The following SIGLECL1 variants were observed in gnomAD, a reference collection of about 807,000 sequenced individuals.
SIGLECL1 encodes the protein SIGLEC family like 1.
A neutral mutation model predicts 19.1 loss-of-function variants in SIGLECL1; 16 were observed. The observed-to-expected ratio is 0.84, with a 90% CI of 0.57 to 1.27. The LOEUF (loss-of-function observed/expected upper bound fraction) is 1.27. SIGLECL1 is among the 50% of genes most tolerant of loss of function. The probability of loss-of-function intolerance (pLI) is 0.00; values close to 1 mark genes in which losing one functional copy is unlikely to be tolerated. For synonymous variants in SIGLECL1, 89 were observed against 90.4 expected, an observed-to-expected ratio of 0.98 and a Z score of 0.09; for missense variants, 210 against 239.4, an observed-to-expected ratio of 0.88 and a Z score of 0.81.
chr19:51,263,499 T>C (rs1027049593), intron 1 of SIGLECL1, among the ~76,000 whole-genome samples: 3 of 152,072 alleles, frequency 2.0e-5, no homozygotes, highest in Non-Finnish European at 2.9e-5. Context: ...AAACCGGGCA[T>C]AGTGGCTTAT....
At chr19:51,267,131 T>A (rs1983739916) in intron 4 of SIGLECL1, among the ~76,000 whole-genome samples, 1 of 152,188 alleles carries the variant, frequency 6.6e-6, no homozygotes, top group Admixed American at 6.5e-5. Flanking sequence ...ACAATCTCTC[T>A]GCCAGTTGCA....
intron 1 of SIGLECL1, chr19:51,258,033 C>G (rs1181441579): frequency 1.3e-5 from 2 of 152,216 alleles, no homozygotes; most frequent in African/African-American, 4.8e-5. Flanking sequence ...GGCCTCTGCC[C>G]TGTATGTCTT....
chr19:51,262,609 G>GA (rs979803372), intron 1 of SIGLECL1, among the ~76,000 whole-genome samples: 103 of 152,150 alleles, frequency 6.8e-4, no homozygotes, highest in African/African-American at 2.4e-3. Context: ...CACTGTTCTA[G>GA]AAAAAAAGTC....
At chr19:51,252,763 TG>T (rs1982571086) in intron 1 of SIGLECL1, among the ~76,000 whole-genome samples, 2 of 151,990 alleles carry the variant, frequency 1.3e-5, no homozygotes, top group African/African-American at 4.8e-5. Context: ...TGTTAAAACA[TG>T]CCGAAATATG....
chr19:51,256,970 GATAC>G (rs1344630276), intron 1 of SIGLECL1, among the ~76,000 whole-genome samples: 1 of 151,798 alleles, frequency 6.6e-6, no homozygotes, highest in Non-Finnish European at 1.5e-5. Flanking sequence ...TGAATATGTA[GATAC>G]ATATTTACAT....
At chr19:51,264,119 G>A (rs1983454853) in intron 2 of SIGLECL1, 25 bp downstream of exon 2, 2 of 1,613,816 alleles carry the variant, frequency 1.2e-6, no homozygotes, top group East Asian at 4.5e-5. Context: ...AAGCAGCACT[G>A]GAGGTGTGTT....
chr19:51,250,376 G>C (rs955239537), upstream of SIGLECL1, among the ~76,000 whole-genome samples: 5 of 152,340 alleles, frequency 3.3e-5, no homozygotes, highest in African/African-American at 1.2e-4. Flanking sequence ...GAGTCACCGA[G>C]CCCAGCCTTG....
At chr19:51,265,293 G>C in intron 2 of SIGLECL1, 75 bp from the exon 3 acceptor site, 2 of 1,485,664 alleles carry the variant, frequency 1.3e-6, no homozygotes, top group East Asian at 2.3e-5. Flanking sequence ...CAAGTAAAGA[G>C]AAGGCTGCAT....
At chr19:51,258,702 T>A (rs1453191825) in intron 1 of SIGLECL1, among the ~76,000 whole-genome samples, 1 of 152,162 alleles carries the variant, frequency 6.6e-6, no homozygotes, top group East Asian at 1.9e-4. Context: ...ATTAGAGTGG[T>A]TCACCAGAGA....
In SIGLECL1 at chr19:51,251,446, A is replaced by C. The variant is rs151197615; in HGVS notation, c.-290A>C. 0.011 allele frequency: 1,629 copies of C among 153,258 alleles called. 29 individuals carry two copies. The highest frequency in any genetic ancestry group is 0.038 in the African/African-American group (1,577 of 41,574). 9.5% of individuals were successfully genotyped at this position (153,258 alleles called of 1,614,324 possible). ...ACAGTCAGGCGGTGAGATTAAGCAT[A>C]GTCAGGGAGTTCGCCAGGAGCCAGC... On this transcript the variant is annotated 5_prime_UTR_variant, in exon 1 of 6. Coordinates refer to ENST00000601727, the MANE Select transcript of SIGLECL1 (RefSeq NM_001385465.1).
intron 1 of SIGLECL1, among the ~76,000 whole-genome samples, chr19:51,258,390 G>A (rs1982957924): frequency 6.6e-6 from 1 of 152,138 alleles, no homozygotes; most frequent in Non-Finnish European, 1.5e-5. Context: ...GCTGTCCTGC[G>A]GTCACCTGTG....
chr19:51,250,783 C>G (rs1982432170), upstream of SIGLECL1, among the ~76,000 whole-genome samples: 1 of 152,182 alleles, frequency 6.6e-6, no homozygotes, highest in Non-Finnish European at 1.5e-5. Flanking sequence ...CCCTCAAGAT[C>G]CAATTGGGCA....
At chr19:51,252,699 A>G (rs1982567271) in intron 1 of SIGLECL1, among the ~76,000 whole-genome samples, 1 of 152,194 alleles carries the variant, frequency 6.6e-6, no homozygotes, top group African/African-American at 2.4e-5. Context: ...AGAAGGAAAA[A>G]GGGCAATCAG....
At chr19:51,257,844 G>A (rs1982919302) in intron 1 of SIGLECL1, 1 of 152,196 alleles carries the variant, frequency 6.6e-6, no homozygotes, top group African/African-American at 2.4e-5. Context: ...CCACCATGAG[G>A]GAAGTCACCA....
intron 1 of SIGLECL1, among the ~76,000 whole-genome samples, chr19:51,254,331 TAAAA>T (rs763830054): frequency 7.7e-6 from 1 of 130,414 alleles, no homozygotes. Context: ...TCCATCTCTT[TAAAA>T]AAAAAAAAAA....
intron 1 of SIGLECL1, among the ~76,000 whole-genome samples, chr19:51,254,139 C>A (rs1288502424): frequency 6.6e-6 from 1 of 151,960 alleles, no homozygotes; most frequent in African/African-American, 2.4e-5. Flanking sequence ...GGCAATATAG[C>A]AAGACTCGAC....
At chr19:51,259,473 G>A (rs773007380) in intron 1 of SIGLECL1, among the ~76,000 whole-genome samples, 50 of 152,154 alleles carry the variant, frequency 3.3e-4, no homozygotes, top group Non-Finnish European at 5.4e-4. Context: ...AGGATATCTG[G>A]TGGACAAAAC....
upstream of SIGLECL1, among the ~76,000 whole-genome samples, chr19:51,247,425 C>CT (rs35110842): frequency 0.42 from 62,715 of 148,452 alleles, 14,008 homozygotes; most frequent in Non-Finnish European, 0.5. Context: ...TGCCCAATTT[C>CT]TTTTTTTTTT....
At chr19:51,262,169 T>C (rs191076138) in intron 1 of SIGLECL1, among the ~76,000 whole-genome samples, 2 of 152,210 alleles carry the variant, frequency 1.3e-5, no homozygotes, top group Non-Finnish European at 2.9e-5. Context: ...TATTTCCTCA[T>C]AGCTAGTGCT....
Sources: gnomAD v4.1 joint callset for allele counts (sites outside exome capture counted in the v4.1 genomes callset) on GRCh38, gnomAD v4.1.1 for gene constraint, MANE v1.5 for transcripts, NCBI Gene and HGNC (gene_info 2026-07-23, HGNC 2026-07-21) for gene names.